TIMD4: variants seen among roughly 807,000 people sequenced by gnomAD.
TIMD4 encodes T cell immunoglobulin and mucin domain containing 4, also known as T-cell immunoglobulin and mucin domain-containing protein 4.
A neutral mutation model predicts 41.2 loss-of-function variants in TIMD4; 31 were observed. That is an observed-to-expected ratio of 0.75 (90% confidence interval 0.57 to 1.01). TIMD4 has a LOEUF of 1.01. Ranked by LOEUF, TIMD4 falls within the 50% of genes least tolerant of loss-of-function variation. The pLI is 0.00. For missense variants in TIMD4, 479 were observed against 472.5 expected (o/e 1.01, Z -0.13); for synonymous variants, 204 against 177.1 (o/e 1.15, Z -1.21).
In TIMD4 at chr5:156,942,910, AG is replaced by A. The variant is rs561721181; in HGVS notation, c.844+5505del. Reference sequence around the variant, plus strand: ...CCCACAGGAATAAAACCAATAATTGAGAGTTCTACATAGCCATCTAAACAGA... The same window carrying A: ...CCCACAGGAATAAAACCAATAATTGAAGTTCTACATAGCCATCTAAACAGA... On this transcript the variant is annotated intron_variant, in intron 5 of 8. Transcript: ENST00000274532. Among the ~76,000 whole-genome samples the A allele has an allele frequency of 3.7e-4, 56 of 152,332 alleles. No individual in the cohort carries two copies. In the East Asian group the frequency reaches 0.01, roughly 28 times the overall value.
rs1239106611 is a variant in TIMD4, at chr5:156,954,721, A to C, written c.94T>G (p.Leu32Val). ...VTSETVVTEV[L>V]GHRVTLPCLY... ...CAGGGCAAAGTCACCCGGTGACCCA[A>C]AACCTCCGTCACAACAGTCTCTGAA... Residue 32 changes from leucine (L) to valine (V), a missense_variant, in exon 2 of 9, where the codon TTG becomes GTG. Coordinates refer to ENST00000274532, the MANE Select transcript of TIMD4 (RefSeq NM_138379.3). 2 of 1,613,678 alleles carry C rather than the reference A, an allele frequency of 1.2e-6. No individual in the cohort carries two copies. The highest frequency in any genetic ancestry group is 1.7e-6 in the Non-Finnish European group (2 of 1,179,662).
chr5:156,934,011 C>T (rs1170447115), intron 5 of TIMD4, among the ~76,000 whole-genome samples: 5 of 152,158 alleles, frequency 3.3e-5, no homozygotes, highest in African/African-American at 1.2e-4. Context: ...CTATGCTTAC[C>T]GTGGTACACC....
intron 4 of TIMD4, among the ~76,000 whole-genome samples, chr5:156,948,751 C>T (rs528530252): frequency 2.0e-5 from 3 of 152,314 alleles, no homozygotes; most frequent in Admixed American, 6.5e-5. Flanking sequence ...GATTAGGTAG[C>T]TTAGCTAAAA....
chr5:156,930,662 T>C (rs934187720), intron 5 of TIMD4, among the ~76,000 whole-genome samples: 6 of 152,218 alleles, frequency 3.9e-5, no homozygotes, highest in African/African-American at 1.4e-4. Flanking sequence ...CCTTATCTTT[T>C]AAACATTTTC....
chr5:156,952,520 A>T (rs181544563), intron 2 of TIMD4, among the ~76,000 whole-genome samples: 6 of 152,124 alleles, frequency 3.9e-5, no homozygotes, highest in Admixed American at 3.3e-4. Context: ...ATATATCAGC[A>T]ACCTTCCCGC....
At chr5:156,946,923 C>A (rs533552954) in intron 5 of TIMD4, among the ~76,000 whole-genome samples, 36 of 152,006 alleles carry the variant, frequency 2.4e-4, no homozygotes, top group African/African-American at 8.4e-4. Context: ...ATGGGCCGGG[C>A]AAGGTGGCTC....
At chr5:156,935,220 C>A (rs1035094676) in intron 5 of TIMD4, among the ~76,000 whole-genome samples, 4 of 151,342 alleles carry the variant, frequency 2.6e-5, no homozygotes, top group East Asian at 3.9e-4. Flanking sequence ...AAGCTGAAAT[C>A]TAGAGAGAAA....
At chr5:156,961,268 G>A (rs140719130) in intron 1 of TIMD4, among the ~76,000 whole-genome samples, 4 of 152,194 alleles carry the variant, frequency 2.6e-5, no homozygotes, top group African/African-American at 7.2e-5. Context: ...AGGAACTCTC[G>A]TACGCTGTTG....
At chr5:156,959,910 G>T (rs925916878) in intron 1 of TIMD4, among the ~76,000 whole-genome samples, 1 of 152,036 alleles carries the variant, frequency 6.6e-6, no homozygotes, top group East Asian at 1.9e-4. Flanking sequence ...AGCTGTGGTG[G>T]CGGGCGCCTG....
chr5:156,951,756 G>C lies in TIMD4; in HGVS notation c.435C>G (p.Thr145=), dbSNP rs893254851. The part of the protein sequence containing the change: ...STTTHRTATT[T]TRRTTTTSPT... ...GGCTTGTTGTTGTTGTTCTGCGTGTGGTGGTGGTTGCTGTTCTGTGCGTGG... is the reference window on the plus strand; with the variant it reads ...GGCTTGTTGTTGTTGTTCTGCGTGTCGTGGTGGTTGCTGTTCTGTGCGTGG... The change falls in exon 3 of 9, where the codon ACC becomes ACG. Residue 145 remains threonine, a synonymous_variant. Transcript: ENST00000274532. 3.7e-6 allele frequency: 6 copies of C among 1,614,126 alleles called. No individual in the cohort carries two copies. Among genetic ancestry groups the C allele is most frequent in the Non-Finnish European group, 5.1e-6 (6 of 1,180,016 alleles).
intron 2 of TIMD4, among the ~76,000 whole-genome samples, chr5:156,952,938 C>A (rs1759889190): frequency 6.6e-6 from 1 of 152,194 alleles, no homozygotes; most frequent in Non-Finnish European, 1.5e-5. Flanking sequence ...TGGTCTCTTT[C>A]AGACAGTAAA....
chr5:156,928,335 C>A (rs1442272135), intron 5 of TIMD4, among the ~76,000 whole-genome samples: 3 of 151,010 alleles, frequency 2.0e-5, no homozygotes, highest in African/African-American at 7.3e-5. Context: ...GCTGCATGTT[C>A]AGAGAGAAGA....
Position 156,919,417 on chromosome 5 carries a change from T to C in TIMD4, c.*40A>G. 1 of 1,538,654 alleles carries C rather than the reference T, an allele frequency of 6.5e-7. No homozygotes were observed. The highest frequency in any genetic ancestry group is 9.0e-7 in the Non-Finnish European group (1 of 1,114,132). On this transcript the variant is annotated 3_prime_UTR_variant, in exon 9 of 9. Coordinates refer to ENST00000274532, the MANE Select transcript of TIMD4 (RefSeq NM_138379.3). The stretch of plus-strand genomic sequence containing the variant: ...ACTAAGACTTATTTTGACACTGGAG[T>C]GTCATGCCCCCATCCTCAATCTAAC...
chr5:156,923,361 C>T (rs1308648347), intron 6 of TIMD4, among the ~76,000 whole-genome samples: 1 of 151,970 alleles, frequency 6.6e-6, no homozygotes, highest in Admixed American at 6.6e-5. Flanking sequence ...GTTGGCTAGG[C>T]TGGTCTCGAA....
intron 4 of TIMD4, among the ~76,000 whole-genome samples, chr5:156,949,138 C>G (rs1759803256): frequency 6.6e-6 from 1 of 152,132 alleles, no homozygotes; most frequent in Non-Finnish European, 1.5e-5. Context: ...CAGGGTATAC[C>G]CCGTCCCAGG....
intron 1 of TIMD4, among the ~76,000 whole-genome samples, chr5:156,961,808 CAAAA>C (rs71578911): frequency 1.9e-3 from 54 of 27,984 alleles, no homozygotes; most frequent in African/African-American, 3.4e-3. Context: ...GACTCCGTCT[CAAAA>C]AAAAAAAAAA....
chr5:156,948,614 A>T, intron 4 of TIMD4, 115 bp from the exon 5 acceptor site: 1 of 493,502 alleles, frequency 2.0e-6, no homozygotes. Context: ...AACAAAACAA[A>T]ACAAAGTATG....
chr5:156,948,462 C>T lies in TIMD4; in HGVS notation c.798G>A (p.Val266=). Residue 266 remains valine, a synonymous_variant, in exon 5 of 9, where the codon GTG becomes GTA. Transcript: ENST00000274532. ...KVWDLPSTSH[V]SMWKTSDSVS... ...CAGAATCACTCGTTTTCCACATTGA[C>T]ACGTGGGATGTTGATGGGAGATCCC... 2 of 1,557,462 alleles carry T rather than the reference C, an allele frequency of 1.3e-6. No individual in the cohort carries two copies. The highest frequency in any genetic ancestry group is 1.8e-5 in the Admixed American group (1 of 54,338).
Position 156,951,513 on chromosome 5 carries a change from T to C in TIMD4, c.678A>G (p.Ala226=). ...GAAACCCAAGATACATCTGCGTACC[T>C]GCAGTGAGGATGGGCCCTTCCTTAG... ...EPSKEGPILT[A]ESETVLPSDS... Residue 226 remains alanine, a splice_region_variant and synonymous_variant, in exon 3 of 9, where the codon GCA becomes GCG. Transcript: ENST00000274532. 6.2e-7 allele frequency: 1 copy of C among 1,614,002 alleles called. No homozygotes were observed. Among genetic ancestry groups the C allele is most frequent in the East Asian group, 2.2e-5 (1 of 44,890 alleles).
Sources: allele counts gnomAD v4.1 joint callset (sites outside exome capture counted in the v4.1 genomes callset), GRCh38; gene constraint gnomAD v4.1.1; transcripts MANE v1.5; gene names NCBI Gene and HGNC (gene_info 2026-07-23, HGNC 2026-07-21).